NADK2: variants seen among roughly 807,000 people sequenced by gnomAD.
The protein encoded by NADK2 is NAD kinase domain-containing protein 1, mitochondrial.
In NADK2, 35 loss-of-function variants were observed where a neutral mutation model predicts 62.1. The ratio of observed to expected loss-of-function variants is 0.56; its 90% CI spans 0.43 to 0.75. NADK2 has a LOEUF of 0.75. Ranked by LOEUF, NADK2 falls within the 30% of genes least tolerant of loss-of-function variation. The probability of loss-of-function intolerance (pLI) is 0.00; values close to 1 mark genes in which losing one functional copy is unlikely to be tolerated. For missense variants in NADK2, 439 were observed against 561.3 expected (o/e 0.78, Z 2.20); for synonymous variants, 205 against 207.9 (o/e 0.99, Z 0.12).
intron 3 of NADK2, 90 bp from the exon 4 acceptor site, chr5:36,225,713 A>C (rs1156303496): frequency 1.3e-5 from 14 of 1,096,800 alleles, no homozygotes; most frequent in Non-Finnish European, 1.8e-5. Context: ...AGTTTTAACA[A>C]TCATACCCCA....
intron 11 of NADK2, among the ~76,000 whole-genome samples, chr5:36,196,148 T>C (rs1331729780): frequency 6.6e-6 from 1 of 152,182 alleles, no homozygotes; most frequent in Non-Finnish European, 1.5e-5. Context: ...GGTGCTTACA[T>C]TTCTTTTGGA....
intron 1 of NADK2, among the ~76,000 whole-genome samples, chr5:36,236,364 T>C (rs1390814072): frequency 6.6e-6 from 1 of 152,232 alleles, no homozygotes; most frequent in African/African-American, 2.4e-5. Flanking sequence ...TTCCAAGTTG[T>C]GTTCCACAGA....
At position 36,197,708 on chromosome 5, in the gene NADK2, C is replaced by G. The variant is rs552902927; in HGVS notation, c.1067-44G>C. ...TAGCACACTCAATAAAAGATGGTCA[C>G]TTCTGAGAAGGGCAAAACAAAAAAT... On this transcript the variant is annotated intron_variant, in intron 10 of 11. Coordinates refer to ENST00000381937, the MANE Select transcript of NADK2 (RefSeq NM_001085411.3). 4 of 1,458,482 alleles carry G rather than the reference C, an allele frequency of 2.7e-6. No individual in the cohort carries two copies. The South Asian group carries it at 4.4e-5, about 16-fold the overall frequency. 90.3% of individuals were successfully genotyped at this position (1,458,482 alleles called of 1,614,324 possible). A position where few individuals can be genotyped will look rare whatever the true frequency, so the allele number is the denominator to read the frequency against.
At position 36,241,346 on chromosome 5, in the gene NADK2, G is replaced by A. The variant is rs917229054; in HGVS notation, c.300+153C>T. On this transcript the variant is annotated intron_variant, in intron 1 of 11. Coordinates refer to ENST00000381937, the MANE Select transcript of NADK2 (RefSeq NM_001085411.3). The surrounding 1 kb of genome is among the most constrained non-coding windows in gnomAD (Gnocchi z 4.9). ...CCCAAAGGCAAAGGAGGCCCAGGGA[G>A]AAGCCAGAGGACCTGGGGGCCGCGA... 3.0e-6 allele frequency: 4 copies of A among 1,314,156 alleles called. No homozygotes were observed. The highest frequency in any genetic ancestry group is 3.9e-6 in the Non-Finnish European group (4 of 1,024,872). 81.4% of individuals were successfully genotyped at this position (1,314,156 alleles called of 1,614,324 possible). A position where few individuals can be genotyped will look rare whatever the true frequency, so the allele number is the denominator to read the frequency against.
rs1747450415 is a variant in NADK2 at position 36,225,548 on chromosome 5, G to A, written c.554C>T (p.Pro185Leu). Residue 185 changes from proline (P) to leucine (L), a missense_variant, in exon 4 of 12, where the codon CCA (proline) becomes CTA (leucine). Coordinates refer to ENST00000381937, the MANE Select transcript of NADK2 (RefSeq NM_001085411.3). ...TGTATACGTTCTTTCTTACCGTTCT[G>A]GATCAGTGTTTACCCCTATAACTGG... is the stretch of plus-strand genomic sequence containing the variant. ...LKPVIGVNTD[P>L]ERSEGHLCLP... 2 of 1,611,956 alleles carry A rather than the reference G, an allele frequency of 1.2e-6. No homozygotes were observed. Among genetic ancestry groups the A allele is most frequent in the Admixed American group, 1.7e-5 (1 of 59,818 alleles).
chr5:36,197,718 G>A, intron 10 of NADK2, 54 bp from the exon 11 acceptor site: 2 of 1,402,592 alleles, frequency 1.4e-6, no homozygotes, highest in Non-Finnish European at 1.9e-6. Context: ...CTTCTGAGAA[G>A]GGCAAAACAA....
rs143886977 is a variant in NADK2, at chr5:36,217,857, T to A, written c.672A>T (p.Leu224Phe). ...GGTTTATGCCAGTCCCTTCAAGGTA[T>A]AACCTGATTCTCTGCCTCCACAACC... is the stretch of plus-strand genomic sequence containing the variant. Reference protein sequence around the residue: ...FRWLWRQRIRLYLEGTGINPV... With the variant: ...FRWLWRQRIRFYLEGTGINPV... Residue 224 changes from leucine (L) to phenylalanine (F), a missense_variant, in exon 6 of 12, where the codon TTA becomes TTT. Transcript: ENST00000381937. 1,467 of 1,613,664 alleles carry A rather than the reference T, an allele frequency of 9.1e-4. 3 individuals are homozygous for A. The highest frequency in any genetic ancestry group is 1.1e-3 in the Non-Finnish European group (1,355 of 1,179,698).
rs1346836634 is a variant in NADK2 at position 36,193,797 on chromosome 5, A to T, written c.*1347T>A. The stretch of plus-strand genomic sequence containing the variant: ...GGCAAAACTAAGAGCACTCAATTCG[A>T]CTATCCGTCCAGCTTTCACAGAATT... On this transcript the variant is annotated 3_prime_UTR_variant, in exon 12 of 12. Coordinates refer to ENST00000381937, the MANE Select transcript of NADK2 (RefSeq NM_001085411.3). 2 of 152,638 alleles carry T rather than the reference A, an allele frequency of 1.3e-5. No homozygotes were observed. The highest frequency in any genetic ancestry group is 2.9e-5 in the Non-Finnish European group (2 of 68,044). The allele number at this position is 152,638 out of a possible 1,614,324, so 9.5% of individuals were successfully genotyped here. A position where few individuals can be genotyped will look rare whatever the true frequency, so the allele number is the denominator to read the frequency against.
Position 36,194,217 on chromosome 5 carries a change from A to G in NADK2, c.*927T>C, listed in dbSNP as rs545330184. On this transcript the variant is annotated 3_prime_UTR_variant, in exon 12 of 12. Coordinates refer to ENST00000381937, the MANE Select transcript of NADK2 (RefSeq NM_001085411.3). ...GAAAACCACAATACTAAGGAAGGCA[A>G]TTCCAAAACTACTGTGTTTTACATA... 6.6e-6 allele frequency: 1 copy of G among 152,322 alleles called. No individual in the cohort carries two copies. Among genetic ancestry groups the G allele is most frequent in the African/African-American group, 2.4e-5 (1 of 41,578 alleles). 9.4% of individuals were successfully genotyped at this position (152,322 alleles called of 1,614,324 possible). A position where few individuals can be genotyped will look rare whatever the true frequency, so the allele number is the denominator to read the frequency against.
chr5:36,232,194 G>A (rs897965697), intron 1 of NADK2, among the ~76,000 whole-genome samples: 5 of 152,044 alleles, frequency 3.3e-5, no homozygotes, highest in Admixed American at 6.6e-5. Flanking sequence ...TACCTAAATG[G>A]TTTATAACAC....
At chr5:36,221,853 A>C (rs964629478) in intron 4 of NADK2, 3 of 152,196 alleles carry the variant, frequency 2.0e-5, no homozygotes, top group Non-Finnish European at 4.4e-5. Context: ...AAGTTCTAAA[A>C]CCCAAATGCA....
At chr5:36,228,711 C>T (rs148855059) in intron 1 of NADK2, among the ~76,000 whole-genome samples, 9 of 151,842 alleles carry the variant, frequency 5.9e-5, no homozygotes, top group East Asian at 3.9e-4. Flanking sequence ...CTCTGCCTCC[C>T]GGACTCAAGC....
upstream of NADK2, chr5:36,241,974 C>G: frequency 2.5e-6 from 1 of 399,064 alleles, no homozygotes; most frequent in Non-Finnish European, 3.8e-6. The surrounding 1 kb of genome is among the most constrained non-coding windows in gnomAD (Gnocchi z 4.9). Context: ...CAGGCGTTGA[C>G]GAAGGCGGGG....
At chr5:36,229,041 C>T (rs1487146218) in intron 1 of NADK2, among the ~76,000 whole-genome samples, 1 of 152,068 alleles carries the variant, frequency 6.6e-6, no homozygotes, top group Non-Finnish European at 1.5e-5. Flanking sequence ...ATAAAGAAAA[C>T]ACTAACAATA....
chr5:36,234,973 A>C (rs1024566533), intron 1 of NADK2, among the ~76,000 whole-genome samples: 7 of 152,178 alleles, frequency 4.6e-5, no homozygotes, highest in African/African-American at 1.7e-4. Flanking sequence ...ATGTATTTGG[A>C]AACTGTTTAC....
At chr5:36,226,741 TTAAC>T (rs1008546435) in intron 2 of NADK2, among the ~76,000 whole-genome samples, 178 bp from the exon 3 acceptor site, 22 of 152,172 alleles carry the variant, frequency 1.4e-4, no homozygotes, top group African/African-American at 5.3e-4. Flanking sequence ...CAACAGCCAA[TTAAC>T]TATGATAATT....
In NADK2 at chr5:36,193,161, T is replaced by A. The variant is rs1746081690; in HGVS notation, c.*1983A>T. On this transcript the variant is annotated 3_prime_UTR_variant, in exon 12 of 12. Coordinates refer to ENST00000381937, the MANE Select transcript of NADK2 (RefSeq NM_001085411.3). ...AATCAGATTTCCTTGAGATTAAGGA[T>A]GGAGTTGGCATTTTTCCTTTAAGAA... The A allele has an allele frequency of 6.6e-6, 1 of 152,086 alleles. No homozygotes were observed. The highest frequency in any genetic ancestry group is 1.5e-5 in the Non-Finnish European group (1 of 68,018). 9.4% of individuals were successfully genotyped at this position (152,086 alleles called of 1,614,324 possible).
chr5:36,211,791 C>T (rs1028595282), intron 7 of NADK2, 53 bp downstream of exon 7: 64 of 1,455,966 alleles, frequency 4.4e-5, no homozygotes, highest in Non-Finnish European at 5.9e-5. Context: ...AATAAATATC[C>T]AAAAGCACTA....
chr5:36,226,142 T>A lies in NADK2; in HGVS notation c.478+333A>T, dbSNP rs144283833. On this transcript the variant is annotated intron_variant, in intron 3 of 11. Transcript: ENST00000381937. The stretch of plus-strand genomic sequence containing the variant: ...CAAGTATATTGGGACCAAAGAGGAA[T>A]AGAATTTACCTCATCTCATTAAACT... Among the ~76,000 whole-genome samples, 10 of 152,324 alleles carry A rather than the reference T, an allele frequency of 6.6e-5. 1 individual carries two copies. In the South Asian group the frequency reaches 1.7e-3, roughly 25 times the overall value.
Sources: gnomAD v4.1 joint callset for allele counts (sites outside exome capture counted in the v4.1 genomes callset) on GRCh38, gnomAD v4.1.1 for gene constraint, Gnocchi (gnomAD v3.1) non-coding constraint, MANE v1.5 for transcripts, NCBI Gene and HGNC (gene_info 2026-07-23, HGNC 2026-07-21) for gene names.